SEMA3C: variants seen among roughly 807,000 people sequenced by gnomAD.
SEMA3C encodes semaphorin-3C.
A neutral mutation model predicts 89.4 loss-of-function variants in SEMA3C; 47 were observed. That is an observed-to-expected ratio of 0.53 (90% CI 0.42 to 0.67). The LOEUF (loss-of-function observed/expected upper bound fraction) is 0.67, where lower values mean the gene tolerates loss of function less well. Among genes scored for constraint, SEMA3C ranks in the 30% least tolerant of loss-of-function variants. The pLI is 0.00. For missense variants in SEMA3C, 839 were observed against 929.1 expected, an observed-to-expected ratio of 0.90 and a Z score of 1.26; for synonymous variants, 310 against 320.2, an observed-to-expected ratio of 0.97 and a Z score of 0.34.
At chr7:80,867,719 TACACACAC>T (rs10641992) in intron 2 of SEMA3C, among the ~76,000 whole-genome samples, 1 of 149,694 alleles carries the variant, frequency 6.7e-6, no homozygotes, top group Non-Finnish European at 1.5e-5. Context: ...GTATAAATCA[TACACACAC>T]ACACACACAC....
At chr7:80,862,910 A>T (rs1790806077) in intron 2 of SEMA3C, among the ~76,000 whole-genome samples, 1 of 152,154 alleles carries the variant, frequency 6.6e-6, no homozygotes, top group Non-Finnish European at 1.5e-5. Flanking sequence ...ATGAAACTGG[A>T]TCCTCATCTC....
At chr7:80,867,649 G>A (rs1169594865) in intron 2 of SEMA3C, among the ~76,000 whole-genome samples, 2 of 152,052 alleles carry the variant, frequency 1.3e-5, no homozygotes, top group Non-Finnish European at 2.9e-5. Flanking sequence ...GAACAGCAGG[G>A]CACACAGTGG....
At chr7:80,756,758 T>C (rs1788074784) in intron 15 of SEMA3C, among the ~76,000 whole-genome samples, 1 of 152,164 alleles carries the variant, frequency 6.6e-6, no homozygotes, top group Non-Finnish European at 1.5e-5. Flanking sequence ...GATAACGTCT[T>C]GGTGCCATTC....
chr7:80,853,246 T>C (rs1790559070), intron 2 of SEMA3C, among the ~76,000 whole-genome samples: 1 of 152,078 alleles, frequency 6.6e-6, no homozygotes, highest in Non-Finnish European at 1.5e-5. Context: ...AACCGTAAGA[T>C]CCAGCAATCC....
intron 2 of SEMA3C, among the ~76,000 whole-genome samples, chr7:80,902,002 G>T (rs1351003308): frequency 6.6e-6 from 1 of 152,152 alleles, no homozygotes; most frequent in Non-Finnish European, 1.5e-5. Flanking sequence ...ACCCAGGCTG[G>T]AGTGCAGTGG....
At chr7:80,758,659 A>G (rs761581522) in intron 14 of SEMA3C, among the ~76,000 whole-genome samples, 171 bp from the exon 15 acceptor site, 11 of 152,214 alleles carry the variant, frequency 7.2e-5, no homozygotes, top group Non-Finnish European at 1.5e-4. Context: ...GAATTTTCCT[A>G]CATTAATATG....
chr7:80,879,749 A>G (rs1241172510), intron 2 of SEMA3C, among the ~76,000 whole-genome samples: 2 of 152,222 alleles, frequency 1.3e-5, no homozygotes, highest in African/African-American at 4.8e-5. Flanking sequence ...ATATATAACT[A>G]AAGTTTTAGT....
At position 80,810,932 on chromosome 7, in the gene SEMA3C, C is replaced by T. The variant is rs117040874; in HGVS notation, c.448-231G>A. Among the ~76,000 whole-genome samples the T allele has an allele frequency of 6.4e-3, 967 of 152,226 alleles. 47 individuals carry two copies. In the East Asian group the frequency reaches 0.11, roughly 18 times the overall value. On this transcript the variant is annotated intron_variant, in intron 5 of 17. Transcript: ENST00000265361. ...TCTTTCTATTGCACTCCCCAGAGAG[C>T]TGATCCAAGAAGTCGTTCTCCTCAA...
intron 2 of SEMA3C, among the ~76,000 whole-genome samples, chr7:80,890,873 T>C (rs1791595192): frequency 6.6e-6 from 1 of 152,212 alleles, no homozygotes; most frequent in African/African-American, 2.4e-5. Flanking sequence ...ATGATCTTTG[T>C]AGTGCTGTAT....
chr7:80,745,187 C>T lies in SEMA3C; in HGVS notation c.1963G>A (p.Ala655Thr). 2 of 1,614,022 alleles carry T rather than the reference C, an allele frequency of 1.2e-6. No individual in the cohort carries two copies. Among genetic ancestry groups the T allele is most frequent in the African/African-American group, 2.7e-5 (2 of 75,040 alleles). ...ATENSFKQTI[A>T]KINFKVLDSE... is the part of the protein sequence containing the mutation. ...TCTAAAACTTTGAAGTTGATCTTGG[C>T]TATGGTCTGCTTGAAACTATTTTCT... Residue 655 changes from alanine (A) to threonine (T), a missense_variant, in exon 18 of 18, where the codon GCC becomes ACC. Physicochemically the swap from Ala to Thr is moderately conservative, Grantham distance 58. Transcript: ENST00000265361.
intron 2 of SEMA3C, among the ~76,000 whole-genome samples, chr7:80,834,920 T>C (rs540091317): frequency 3.9e-5 from 6 of 152,322 alleles, no homozygotes; most frequent in African/African-American, 1.2e-4. Flanking sequence ...ATGTGTATTA[T>C]TTTTACTGTA....
chr7:80,841,586 GC>G (rs1389470971), intron 2 of SEMA3C, among the ~76,000 whole-genome samples: 11 of 152,146 alleles, frequency 7.2e-5, no homozygotes, highest in African/African-American at 2.4e-4. Context: ...CTATATGTTG[GC>G]AAAAAATCCC....
chr7:80,762,318 G>C (rs1562863629), intron 13 of SEMA3C, among the ~76,000 whole-genome samples: 1 of 152,112 alleles, frequency 6.6e-6, no homozygotes, highest in Non-Finnish European at 1.5e-5. Flanking sequence ...TCACCTGCCA[G>C]TGCTGTTTCG....
chr7:80,912,164 T>C (rs1462862699), intron 2 of SEMA3C, among the ~76,000 whole-genome samples: 1 of 152,150 alleles, frequency 6.6e-6, no homozygotes, highest in Non-Finnish European at 1.5e-5. Flanking sequence ...CAGGAAAATA[T>C]AGGCTTACAC....
intron 6 of SEMA3C, among the ~76,000 whole-genome samples, chr7:80,808,370 C>T (rs3807112): frequency 0.014 from 2,119 of 152,182 alleles, 62 homozygotes; most frequent in Admixed American, 0.068. Context: ...AAGTTTCCTT[C>T]CTAATGGAGA....
intron 12 of SEMA3C, among the ~76,000 whole-genome samples, chr7:80,782,612 A>C (rs903368749): frequency 6.6e-6 from 1 of 152,222 alleles, no homozygotes; most frequent in Non-Finnish European, 1.5e-5. Context: ...TGGTTGTATT[A>C]TATATTAACT....
intron 2 of SEMA3C, among the ~76,000 whole-genome samples, chr7:80,852,096 A>G (rs1167000868): frequency 6.6e-6 from 1 of 152,196 alleles, no homozygotes; most frequent in East Asian, 1.9e-4. Flanking sequence ...GTGTTGCCAC[A>G]GATGAGGCAT....
rs754423148 is a variant in SEMA3C at position 80,828,639 on chromosome 7, G to A, written c.210C>T (p.Ser70=). ...TATTCAGGGAAAGAATGTGATCTTT[G>A]CTTCCCACATATATCCGGTCCTGAT... The part of the protein sequence containing the change: ...DEDQDRIYVG[S]KDHILSLNIN... Residue 70 remains serine, a synonymous_variant, in exon 3 of 18, where the codon AGC becomes AGT. Coordinates refer to ENST00000265361, the MANE Select transcript of SEMA3C (RefSeq NM_006379.5). 1.2e-6 allele frequency: 2 copies of A among 1,611,590 alleles called. No individual in the cohort carries two copies. Among genetic ancestry groups the A allele is most frequent in the Non-Finnish European group, 1.7e-6 (2 of 1,178,454 alleles).
chr7:80,787,047 T>C (rs1411957165), intron 12 of SEMA3C, among the ~76,000 whole-genome samples: 4 of 152,132 alleles, frequency 2.6e-5, no homozygotes, highest in Admixed American at 1.3e-4. Context: ...TTGCACAGAA[T>C]GGATAATTAA....
Sources: gnomAD v4.1 joint callset for allele counts (sites outside exome capture counted in the v4.1 genomes callset) on GRCh38, gnomAD v4.1.1 for gene constraint, MANE v1.5 for transcripts, NCBI Gene and HGNC (gene_info 2026-07-23, HGNC 2026-07-21) for gene names.